The following SRCIN1 variants were observed in gnomAD, a reference collection of about 807,000 sequenced individuals.
SRCIN1 encodes the protein P130Cas-associated protein.
Under a neutral mutation model 116.2 loss-of-function variants are expected in SRCIN1, and 50 were observed. The observed-to-expected ratio is 0.43, with a 90% CI of 0.34 to 0.54. The LOEUF (loss-of-function observed/expected upper bound fraction) is 0.54. Ranked by LOEUF, SRCIN1 falls within the 20% of genes least tolerant of loss-of-function variation. The pLI is 0.02. For missense variants in SRCIN1, 1,446 were observed against 1,672.0 expected (o/e 0.86, Z 2.36); for synonymous variants, 736 against 750.0 (o/e 0.98, Z 0.30).
At chr17:38,551,082 C>T (rs376924987) in intron 15 of SRCIN1, 73 bp downstream of exon 15, 2 of 645,016 alleles carry the variant, frequency 3.1e-6, no homozygotes, top group African/African-American at 1.8e-5. Flanking sequence ...CAGTGCCTCC[C>T]CCATCAGCCT....
chr17:38,533,300 G>A lies in SRCIN1; in HGVS notation c.3549C>T (p.Phe1183=). 6.4e-7 allele frequency: 1 copy of A among 1,557,630 alleles called. No homozygotes were observed. The highest frequency in any genetic ancestry group is 1.2e-5 in the South Asian group (1 of 84,832). ...SFGARNSSIS[F] ...GGGGCAGCGGGGTGAGGGGCTTCTA[G>A]AAGGAGATGGAAGAATTCCTTGCCC... is the stretch of plus-strand genomic sequence containing the variant. The change falls in exon 19 of 19, where the codon TTC becomes TTT. Residue 1183 remains phenylalanine, a synonymous_variant. Coordinates refer to ENST00000617146, the MANE Select transcript of SRCIN1 (RefSeq NM_025248.3).
intron 2 of SRCIN1, among the ~76,000 whole-genome samples, chr17:38,578,269 G>T (rs1340511465): frequency 6.6e-6 from 1 of 152,214 alleles, no homozygotes; most frequent in Non-Finnish European, 1.5e-5. Context: ...CAGAGGTCTG[G>T]GGGCCAAGCC....
In SRCIN1 at chr17:38,552,470, C is replaced by G; in HGVS notation, c.2457G>C (p.Thr819=). 1 of 1,602,304 alleles carries G rather than the reference C, an allele frequency of 6.2e-7. No individual in the cohort carries two copies. The highest frequency in any genetic ancestry group is 8.5e-7 in the Non-Finnish European group (1 of 1,174,940). The change falls in exon 13 of 19, where the codon ACG becomes ACC. Residue 819 remains threonine, a synonymous_variant. Coordinates refer to ENST00000617146, the MANE Select transcript of SRCIN1 (RefSeq NM_025248.3). This position sits in a 1 kb window ranked among gnomAD's most constrained non-coding sequence, Gnocchi z 5.3. ...DGLLKRCRGV[T]DTLAQIRRQV... is the part of the protein sequence containing the mutation. ...ACCTTCGGATCTGGGCCAGCGTGTCCGTGACCCCGCGGCAGCGCTTGAGGA... is the reference window on the plus strand; with the variant it reads ...ACCTTCGGATCTGGGCCAGCGTGTCGGTGACCCCGCGGCAGCGCTTGAGGA...
intron 1 of SRCIN1, among the ~76,000 whole-genome samples, chr17:38,592,521 G>C (rs373799102): frequency 1.1e-3 from 172 of 152,338 alleles, no homozygotes; most frequent in African/African-American, 3.7e-3. Context: ...AGCAAGCCAA[G>C]GCTCAAATCT....
At chr17:38,548,837 G>C in intron 16 of SRCIN1, 128 bp from the exon 17 acceptor site, 1 of 1,356,612 alleles carries the variant, frequency 7.4e-7, no homozygotes, top group African/African-American at 1.5e-5. Flanking sequence ...CCCCTGCCAG[G>C]GTGTCCCTCA....
intron 1 of SRCIN1, among the ~76,000 whole-genome samples, chr17:38,598,957 C>T (rs1256077185): frequency 6.6e-6 from 1 of 152,006 alleles, no homozygotes; most frequent in African/African-American, 2.4e-5. Flanking sequence ...GGTGTGCCTT[C>T]GGAACAGGAG....
chr17:38,533,617 G>T (rs3894925), intron 18 of SRCIN1, among the ~76,000 whole-genome samples, 186 bp from the exon 19 acceptor site: 26,019 of 134,518 alleles, frequency 0.19, 2,587 homozygotes, highest in African/African-American at 0.34. Context: ...GGCAGAAAAG[G>T]GGGGGGAGGG....
intron 11 of SRCIN1, among the ~76,000 whole-genome samples, chr17:38,555,377 G>A (rs1287303962): frequency 3.3e-5 from 5 of 152,140 alleles, no homozygotes; most frequent in African/African-American, 1.2e-4. Flanking sequence ...GGGTGATCTT[G>A]GAAAACACAT....
chr17:38,560,443 C>A lies in SRCIN1; in HGVS notation c.1701-18G>T. 6.3e-7 allele frequency: 1 copy of A among 1,595,504 alleles called. No homozygotes were observed. Among genetic ancestry groups the A allele is most frequent in the Non-Finnish European group, 8.5e-7 (1 of 1,170,508 alleles). On this transcript the variant is annotated intron_variant, in intron 7 of 18. Transcript: ENST00000617146. ...TGCGCTCCCTGGGGAGGAAGGGGGT[C>A]TGGGCAACCTCGCCTCTGAGCATAG...
chr17:38,551,962 G>T lies in SRCIN1; in HGVS notation c.2651C>A (p.Thr884Asn). The change falls in exon 14 of 19, where the codon ACC (threonine) becomes AAC (asparagine). Residue 884 changes from threonine to asparagine, a missense_variant. This residue lies in a region of SRCIN1 where 531 missense variants were observed against 633.9 expected (regional missense o/e 0.84). Coordinates refer to ENST00000617146, the MANE Select transcript of SRCIN1 (RefSeq NM_025248.3). ...LSGPAEGASL[T>N]PKGGNPTKGL... The stretch of plus-strand genomic sequence containing the variant: ...TTTGGTGGGGTTGCCCCCCTTGGGG[G>T]TAAGAGAGGCTCCTTCAGCTGGCCC... 1 of 1,614,074 alleles carries T rather than the reference G, an allele frequency of 6.2e-7. No homozygotes were observed. The highest frequency in any genetic ancestry group is 8.5e-7 in the Non-Finnish European group (1 of 1,179,900).
chr17:38,565,893 G>A (rs1448526109), intron 3 of SRCIN1, among the ~76,000 whole-genome samples: 1 of 152,178 alleles, frequency 6.6e-6, no homozygotes, highest in Non-Finnish European at 1.5e-5. Flanking sequence ...GGGCAGTAGG[G>A]AGGGGCCGCT....
chr17:38,558,288 G>C lies in SRCIN1; in HGVS notation c.2140C>G (p.Leu714Val). The change falls in exon 11 of 19, where the codon CTG becomes GTG. Residue 714 changes from leucine (L) to valine (V), a missense_variant. Physicochemically the swap from Leu to Val is conservative, Grantham distance 32. This residue lies in a region of SRCIN1 where 531 missense variants were observed against 633.9 expected (regional missense o/e 0.84). Coordinates refer to ENST00000617146, the MANE Select transcript of SRCIN1 (RefSeq NM_025248.3). The surrounding 1 kb of genome is among the most constrained non-coding windows in gnomAD (Gnocchi z 4.6). ...TAGCGCAGCCGTTCCTCTTCCACCA[G>C]GGTGCGCTGCCGCTGCAGCGGGTCC... ...QEDPLQRQRT[L>V]VEEERLRYLN... The C allele has an allele frequency of 6.2e-7, 1 of 1,612,360 alleles. No homozygotes were observed. Among genetic ancestry groups the C allele is most frequent in the Non-Finnish European group, 8.5e-7 (1 of 1,179,682 alleles).
intron 2 of SRCIN1, among the ~76,000 whole-genome samples, chr17:38,577,062 C>A (rs1022553168): frequency 2.0e-5 from 3 of 152,222 alleles, no homozygotes; most frequent in Non-Finnish European, 4.4e-5. Context: ...TATGCCCATG[C>A]CATACACCCC....
intron 2 of SRCIN1, among the ~76,000 whole-genome samples, chr17:38,573,058 A>G (rs1005311741): frequency 6.6e-6 from 1 of 151,848 alleles, no homozygotes; most frequent in African/African-American, 2.4e-5. Context: ...GGAGGGAGGG[A>G]GGTTAGACAG....
chr17:38,546,971 C>G (rs1030338748), intron 17 of SRCIN1, among the ~76,000 whole-genome samples: 1 of 152,242 alleles, frequency 6.6e-6, no homozygotes, highest in Non-Finnish European at 1.5e-5. Context: ...GACCTTCCCC[C>G]TCCCCTCCTC....
chr17:38,535,494 A>ACCGCGCCTGGC (rs2040988461), intron 18 of SRCIN1, among the ~76,000 whole-genome samples: 1 of 151,890 alleles, frequency 6.6e-6, no homozygotes, highest in African/African-American at 2.4e-5. Context: ...GGCGTGAACC[A>ACCGCGCCTGGC]CCGCGCCTGG....
chr17:38,563,190 T>G lies in SRCIN1; in HGVS notation c.740+133A>C. The G allele has an allele frequency of 9.9e-7, 1 of 1,006,484 alleles. No homozygotes were observed. The highest frequency in any genetic ancestry group is 1.4e-6 in the Non-Finnish European group (1 of 692,212). The allele number at this position is 1,006,484 out of a possible 1,614,324, so 62.3% of individuals were successfully genotyped here. A position where few individuals can be genotyped will look rare whatever the true frequency, so the allele number is the denominator to read the frequency against. ...ATGGCCGAGGAAGGGGGCGGGGCGGTAGGGCTCTGGGAGGGGAGGGGAAAG... is the reference window on the plus strand; with the variant it reads ...ATGGCCGAGGAAGGGGGCGGGGCGGGAGGGCTCTGGGAGGGGAGGGGAAAG... On this transcript the variant is annotated intron_variant, in intron 5 of 18. Transcript: ENST00000617146. The surrounding 1 kb of genome is among the most constrained non-coding windows in gnomAD (Gnocchi z 5.8).
At chr17:38,574,996 C>T in intron 2 of SRCIN1, 1 of 400,840 alleles carries the variant, frequency 2.5e-6, no homozygotes, top group Non-Finnish European at 4.4e-6. Flanking sequence ...AAGCGGGGGA[C>T]ACCCCATTAG....
chr17:38,564,116 A>G lies in SRCIN1; in HGVS notation c.541+2T>C. The G allele has an allele frequency of 6.3e-7, 1 of 1,595,618 alleles. No homozygotes were observed. Among genetic ancestry groups the G allele is most frequent in the South Asian group, 1.1e-5 (1 of 87,686 alleles). ...AGGGAGGGTGGACTGGGCGGGCAGT[A>G]CCTGGGGAGCGCAGCTTGGTCTGGC... On this transcript the variant is annotated splice_donor_variant, in intron 4 of 18. Transcript: ENST00000617146. LOFTEE classifies it high-confidence loss of function.
Sources: gnomAD v4.1 joint callset for allele counts (sites outside exome capture counted in the v4.1 genomes callset) on GRCh38, gnomAD v4.1.1 for gene constraint, gnomAD v4.1.1 regional missense constraint, Gnocchi (gnomAD v3.1) non-coding constraint, MANE v1.5 for transcripts, NCBI Gene and HGNC (gene_info 2026-07-23, HGNC 2026-07-21) for gene names.